The following LRRC28 variants were observed in gnomAD, a reference collection of about 807,000 sequenced individuals.
The protein encoded by LRRC28 is leucine-rich repeat-containing protein 28.
In LRRC28, 39 loss-of-function variants were observed where a neutral mutation model predicts 45.7. The ratio of observed to expected loss-of-function variants is 0.85; its 90% CI spans 0.66 to 1.12. The LOEUF (loss-of-function observed/expected upper bound fraction) is 1.12, where lower values mean the gene tolerates loss of function less well. Among genes scored for constraint, LRRC28 ranks in the 50% most tolerant of loss-of-function variants. LRRC28 has a pLI of 0.00. For synonymous variants in LRRC28, 206 were observed against 178.8 expected, an observed-to-expected ratio of 1.15 and a Z score of -1.22; for missense variants, 435 against 438.5, an observed-to-expected ratio of 0.99 and a Z score of 0.07.
chr15:99,389,774 A>G lies in LRRC28; in HGVS notation c.*3672A>G, dbSNP rs1958129551. Reference sequence around the variant, plus strand: ...AGTGAATATCTTGCCTTTTCTTCAAACAAAGGGGGTTTTTATAAAGTTTGT... The same window carrying G: ...AGTGAATATCTTGCCTTTTCTTCAAGCAAAGGGGGTTTTTATAAAGTTTGT... On this transcript the variant is annotated 3_prime_UTR_variant, in exon 10 of 10. Transcript: ENST00000301981. The G allele has an allele frequency of 6.6e-6, 1 of 152,124 alleles. No individual in the cohort carries two copies. Among genetic ancestry groups the G allele is most frequent in the East Asian group, 1.9e-4 (1 of 5,184 alleles). 9.4% of individuals were successfully genotyped at this position (152,124 alleles called of 1,614,324 possible).
chr15:99,336,060 TACAG>T (rs1463557119), intron 6 of LRRC28, among the ~76,000 whole-genome samples: 1 of 152,300 alleles, frequency 6.6e-6, no homozygotes, highest in African/African-American at 2.4e-5. Context: ...TTGTTGTTAT[TACAG>T]ACAATATATG....
intron 9 of LRRC28, among the ~76,000 whole-genome samples, chr15:99,368,957 A>G (rs1188368353): frequency 6.6e-6 from 1 of 152,148 alleles, no homozygotes; most frequent in African/African-American, 2.4e-5. Flanking sequence ...TTGCTTAGAA[A>G]TCTCCTCAGC....
intron 5 of LRRC28, among the ~76,000 whole-genome samples, chr15:99,332,300 G>T (rs1267214796): frequency 6.6e-6 from 1 of 152,108 alleles, no homozygotes; most frequent in Non-Finnish European, 1.5e-5. Flanking sequence ...CTCCCTTTCA[G>T]AGTCACAGGC....
chr15:99,350,128 G>A (rs2152313868), intron 6 of LRRC28, among the ~76,000 whole-genome samples: 1 of 142,734 alleles, frequency 7.0e-6, no homozygotes, highest in East Asian at 2.0e-4. Context: ...GGGCGACAGA[G>A]CGAGACTCCG....
chr15:99,335,500 T>G (rs1306052041), intron 6 of LRRC28, among the ~76,000 whole-genome samples: 1 of 152,156 alleles, frequency 6.6e-6, no homozygotes, highest in East Asian at 1.9e-4. Flanking sequence ...TTAAAAAATT[T>G]TTATTCTTGA....
In LRRC28 at chr15:99,366,956, G is replaced by C. The variant is rs77257126; in HGVS notation, c.1031+3691G>C. Among the ~76,000 whole-genome samples, 657 of 152,170 alleles carry C rather than the reference G, an allele frequency of 4.3e-3. 4 individuals carry two copies. The highest frequency in any genetic ancestry group is 0.015 in the African/African-American group (640 of 41,518). ...TATAACACTGAATGTTTCACTTCTT[G>C]TCACCAAAATTTGTGGGAAGTTCTC... On this transcript the variant is annotated intron_variant, in intron 9 of 9. Coordinates refer to ENST00000301981, the MANE Select transcript of LRRC28 (RefSeq NM_144598.5).
At chr15:99,372,717 C>A (rs1403724576) in intron 9 of LRRC28, among the ~76,000 whole-genome samples, 6 of 152,026 alleles carry the variant, frequency 3.9e-5, no homozygotes, top group Non-Finnish European at 2.9e-5. Context: ...AGTGTAAATC[C>A]CGTATCTTCA....
intron 3 of LRRC28, among the ~76,000 whole-genome samples, 189 bp from the exon 4 acceptor site, chr15:99,287,068 C>T (rs2081976714): frequency 6.6e-6 from 1 of 152,078 alleles, no homozygotes; most frequent in African/African-American, 2.4e-5. Flanking sequence ...AATTCTGGTA[C>T]AAAATATTTT....
chr15:99,370,284 A>T (rs1274045515), intron 9 of LRRC28, among the ~76,000 whole-genome samples: 1 of 152,248 alleles, frequency 6.6e-6, no homozygotes, highest in Non-Finnish European at 1.5e-5. Context: ...ATGAGTTTAA[A>T]TATACTTTCA....
At chr15:99,308,191 T>G (rs188737107) in intron 5 of LRRC28, among the ~76,000 whole-genome samples, 79 of 152,314 alleles carry the variant, frequency 5.2e-4, no homozygotes, top group African/African-American at 1.8e-3. Context: ...TGGTTATAAA[T>G]AAGAATTCTC....
chr15:99,363,115 T>C lies in LRRC28; in HGVS notation c.881T>C (p.Phe294Ser), dbSNP rs763011756. Residue 294 changes from phenylalanine (F) to serine (S), a missense_variant, in exon 9 of 10, where the codon TTT (phenylalanine) becomes TCT (serine). Coordinates refer to ENST00000301981, the MANE Select transcript of LRRC28 (RefSeq NM_144598.5). ...TTCTTTTGTGTTCCAGATTTGAACT[T>C]TCTGTCTCCAATCTCATTACCCAGA... Reference protein sequence around the residue: ...TYHSLLKDLNFLSPISLPRSL... With the variant: ...TYHSLLKDLNSLSPISLPRSL... 4 of 1,607,204 alleles carry C rather than the reference T, an allele frequency of 2.5e-6. No individual in the cohort carries two copies. In the Admixed American group the frequency reaches 6.8e-5, roughly 27 times the overall value.
intron 5 of LRRC28, among the ~76,000 whole-genome samples, chr15:99,300,124 T>C (rs1334946932): frequency 6.6e-6 from 1 of 152,130 alleles, no homozygotes; most frequent in Non-Finnish European, 1.5e-5. Flanking sequence ...AGTGTTTTTT[T>C]TTCTTAATAA....
rs568636307 is a variant in LRRC28, at chr15:99,273,234, T to TG, written c.169-3342_169-3341insG. 3.9e-5 allele frequency among the ~76,000 whole-genome samples: 6 copies of TG among 151,994 alleles called. No homozygotes were observed. The Middle Eastern group carries it at 0.01, about 258-fold the overall frequency. ...ATTCCTAAGTGTGTGGTGTGTTTTTTTTTGTTTGTTTTTGTTTTTTGAGAT... is the reference window on the plus strand; with the variant it reads ...ATTCCTAAGTGTGTGGTGTGTTTTTTGTTTGTTTGTTTTTGTTTTTTGAGAT... On this transcript the variant is annotated intron_variant, in intron 2 of 9. Transcript: ENST00000301981.
At chr15:99,334,160 A>C (rs1366873032) in intron 6 of LRRC28, 31 bp downstream of exon 6, 2 of 1,610,962 alleles carry the variant, frequency 1.2e-6, no homozygotes, top group Admixed American at 3.3e-5. Flanking sequence ...TAAAGCAGCC[A>C]AAGAATAAGA....
intron 3 of LRRC28, among the ~76,000 whole-genome samples, chr15:99,281,116 C>T (rs1332789685): frequency 6.6e-6 from 1 of 152,002 alleles, no homozygotes; most frequent in East Asian, 1.9e-4. Flanking sequence ...CAGCCTTGAA[C>T]TCCTGGGCTC....
At chr15:99,367,379 G>A (rs367927989) in intron 9 of LRRC28, among the ~76,000 whole-genome samples, 17 of 152,252 alleles carry the variant, frequency 1.1e-4, no homozygotes, top group East Asian at 5.8e-4. Flanking sequence ...GAGTGGCCAC[G>A]TCTGGTGAGG....
At chr15:99,265,725 A>C (rs1273137854) in intron 2 of LRRC28, among the ~76,000 whole-genome samples, 1 of 152,212 alleles carries the variant, frequency 6.6e-6, no homozygotes, top group Non-Finnish European at 1.5e-5. Context: ...TTTGGTAGCA[A>C]AACTCAGGAC....
chr15:99,252,357 T>C (rs1276883774), intron 1 of LRRC28, among the ~76,000 whole-genome samples: 1 of 152,252 alleles, frequency 6.6e-6, no homozygotes, highest in African/African-American at 2.4e-5. Context: ...TTTGTTTAGA[T>C]TTTATCTCCC....
intron 9 of LRRC28, among the ~76,000 whole-genome samples, chr15:99,380,340 T>G (rs1257833727): frequency 6.6e-6 from 1 of 152,206 alleles, no homozygotes; most frequent in Non-Finnish European, 1.5e-5. Flanking sequence ...GTCTGTTTTG[T>G]CAGAGACTAG....
Sources: allele counts gnomAD v4.1 joint callset (sites outside exome capture counted in the v4.1 genomes callset), GRCh38; gene constraint gnomAD v4.1.1; transcripts MANE v1.5; gene names NCBI Gene and HGNC (gene_info 2026-07-23, HGNC 2026-07-21).